The following RBMS3 variants were observed in gnomAD, a reference collection of about 807,000 sequenced individuals.
RBMS3 encodes RNA binding motif single stranded interacting protein 3, also known as RNA-binding motif, single-stranded-interacting protein 3.
Under a neutral mutation model 66.8 loss-of-function variants are expected in RBMS3, and 27 were observed. The ratio of observed to expected loss-of-function variants is 0.40; its 90% CI spans 0.30 to 0.56. The LOEUF (loss-of-function observed/expected upper bound fraction) is 0.56. Ranked by LOEUF, RBMS3 falls within the 20% of genes least tolerant of loss-of-function variation. The pLI, the probability that RBMS3 is intolerant of heterozygous loss-of-function variation, is 0.40. For synonymous variants in RBMS3, 188 were observed against 183.0 expected, an observed-to-expected ratio of 1.03 and a Z score of -0.22; for missense variants, 513 against 549.5, an observed-to-expected ratio of 0.93 and a Z score of 0.66.
chr3:29,870,190 G>A (rs545264174), intron 7 of RBMS3, among the ~76,000 whole-genome samples: 10 of 152,234 alleles, frequency 6.6e-5, no homozygotes, highest in African/African-American at 2.2e-4. Context: ...CTAAAAAGGA[G>A]GTGGAGGGGG....
chr3:29,918,075 C>T (rs1024735546), intron 10 of RBMS3, among the ~76,000 whole-genome samples: 3 of 152,096 alleles, frequency 2.0e-5, no homozygotes, highest in Non-Finnish European at 2.9e-5. Context: ...ACTAATATCA[C>T]ACAAGTTGGT....
intron 12 of RBMS3, among the ~76,000 whole-genome samples, chr3:29,949,182 C>A (rs1695513448): frequency 6.6e-6 from 1 of 150,782 alleles, no homozygotes; most frequent in Non-Finnish European, 1.5e-5. Flanking sequence ...TGTTATTTAG[C>A]CCAGGTTGTT....
At chr3:29,400,268 C>G (rs902919802) in intron 1 of RBMS3, among the ~76,000 whole-genome samples, 1 of 152,038 alleles carries the variant, frequency 6.6e-6, no homozygotes, top group Non-Finnish European at 1.5e-5. Flanking sequence ...CTGACACATG[C>G]TACAATATGA....
intron 5 of RBMS3, among the ~76,000 whole-genome samples, chr3:29,743,692 T>C (rs1262904067): frequency 6.6e-6 from 1 of 152,068 alleles, no homozygotes; most frequent in Non-Finnish European, 1.5e-5. Flanking sequence ...AAGTTTCTGA[T>C]CCAGTTGGCT....
intron 4 of RBMS3, among the ~76,000 whole-genome samples, chr3:29,705,558 C>G (rs1011891286): frequency 6.6e-6 from 1 of 152,042 alleles, no homozygotes; most frequent in African/African-American, 2.4e-5. Flanking sequence ...TGAACATTCA[C>G]CAGGTTTATT....
intron 2 of RBMS3, among the ~76,000 whole-genome samples, chr3:29,478,146 A>G (rs930428349): frequency 6.6e-6 from 1 of 152,224 alleles, no homozygotes; most frequent in Non-Finnish European, 1.5e-5. Context: ...CATTAGCAAC[A>G]TATAACTTCT....
chr3:29,441,458 C>T (rs1470194452), intron 2 of RBMS3, among the ~76,000 whole-genome samples: 5 of 151,984 alleles, frequency 3.3e-5, no homozygotes, highest in Non-Finnish European at 7.4e-5. Flanking sequence ...TCAAAACTTC[C>T]CTATGAAGTG....
intron 6 of RBMS3, among the ~76,000 whole-genome samples, chr3:29,841,121 G>T (rs956182151): frequency 4.0e-5 from 6 of 151,480 alleles, no homozygotes; most frequent in Admixed American, 3.3e-4. Flanking sequence ...TTCATGTATT[G>T]TTCAATTATA....
intron 3 of RBMS3, among the ~76,000 whole-genome samples, chr3:29,579,710 T>A (rs1434031731): frequency 6.6e-6 from 1 of 152,204 alleles, no homozygotes; most frequent in African/African-American, 2.4e-5. Context: ...ACATATATTT[T>A]ATTTGTATAT....
At chr3:29,440,857 C>T (rs1250120739) in intron 2 of RBMS3, among the ~76,000 whole-genome samples, 1 of 152,214 alleles carries the variant, frequency 6.6e-6, no homozygotes, top group Non-Finnish European at 1.5e-5. Flanking sequence ...CCGACACAAT[C>T]AAACCTTTTA....
intron 10 of RBMS3, chr3:29,934,290 A>G (rs2061209015): frequency 1.3e-5 from 2 of 151,550 alleles, no homozygotes; most frequent in African/African-American, 2.4e-5. Context: ...GAATGTTGTC[A>G]AAGTACCACT....
chr3:29,633,338 T>C (rs2049353182), intron 4 of RBMS3, among the ~76,000 whole-genome samples: 1 of 151,896 alleles, frequency 6.6e-6, no homozygotes, highest in African/African-American at 2.4e-5. Context: ...ACTATATAAT[T>C]TACTATGCAT....
At chr3:29,737,862 GTGTGTGTT>G (rs1207498388) in intron 4 of RBMS3, among the ~76,000 whole-genome samples, 1 of 123,868 alleles carries the variant, frequency 8.1e-6, no homozygotes, top group Non-Finnish European at 1.7e-5. Context: ...GTGTGTGTGT[GTGTGTGTT>G]TATATGTATG....
At chr3:29,613,667 TG>T (rs2048565865) in intron 4 of RBMS3, among the ~76,000 whole-genome samples, 1 of 151,690 alleles carries the variant, frequency 6.6e-6, no homozygotes, top group African/African-American at 2.4e-5. Flanking sequence ...AATAATCAAT[TG>T]AAAAATGGGA....
At chr3:29,560,661 T>C (rs2046517826) in intron 3 of RBMS3, among the ~76,000 whole-genome samples, 1 of 152,248 alleles carries the variant, frequency 6.6e-6, no homozygotes, top group Non-Finnish European at 1.5e-5. Flanking sequence ...TGTTGTGATT[T>C]TGAAAGAGAA....
At chr3:29,539,403 G>A (rs1368544154) in intron 3 of RBMS3, among the ~76,000 whole-genome samples, 1 of 152,174 alleles carries the variant, frequency 6.6e-6, no homozygotes, top group East Asian at 1.9e-4. Context: ...TCCTTGAAAA[G>A]TTGGTCCTAC....
intron 6 of RBMS3, among the ~76,000 whole-genome samples, chr3:29,866,749 A>AT (rs1553688900): frequency 6.6e-6 from 1 of 152,202 alleles, no homozygotes; most frequent in Non-Finnish European, 1.5e-5. Flanking sequence ...AGGAATCAGA[A>AT]TTTACAGTAC....
At chr3:29,744,198 G>C (rs1289624821) in intron 5 of RBMS3, among the ~76,000 whole-genome samples, 3 of 151,994 alleles carry the variant, frequency 2.0e-5, no homozygotes, top group Non-Finnish European at 4.4e-5. Flanking sequence ...CCCCCTTCCT[G>C]TTCCTCAAGG....
intron 4 of RBMS3, among the ~76,000 whole-genome samples, chr3:29,700,844 G>C (rs758855947): frequency 2.2e-5 from 2 of 92,720 alleles, no homozygotes; most frequent in African/African-American, 9.6e-5. Context: ...GAGGACACAC[G>C]AGGGAGATTA....
Sources: allele counts gnomAD v4.1 joint callset (sites outside exome capture counted in the v4.1 genomes callset), GRCh38; gene constraint gnomAD v4.1.1; transcripts MANE v1.5; gene names NCBI Gene and HGNC (gene_info 2026-07-23, HGNC 2026-07-21).